PCDHGB5: variants seen among roughly 807,000 people sequenced by gnomAD.
PCDHGB5 encodes protocadherin gamma-B5.
A neutral mutation model predicts 62.9 loss-of-function variants in PCDHGB5; 48 were observed. That is an observed-to-expected ratio of 0.76 (90% CI 0.61 to 0.97). The LOEUF (loss-of-function observed/expected upper bound fraction) is 0.97. Ranked by LOEUF, PCDHGB5 falls within the 50% of genes least tolerant of loss-of-function variation. The pLI is 0.00. For synonymous variants in PCDHGB5, 474 were observed against 511.2 expected, an observed-to-expected ratio of 0.93 and a Z score of 0.98; for missense variants, 1,118 against 1,198.6, an observed-to-expected ratio of 0.93 and a Z score of 0.99.
chr5:141,509,709 T>C (rs1344120168), intron 3 of PCDHGB5, among the ~76,000 whole-genome samples: 1 of 152,200 alleles, frequency 6.6e-6, no homozygotes, highest in African/African-American at 2.4e-5. Context: ...CTGGAGGTGC[T>C]GTCTGATGTC....
chr5:141,414,306 T>A lies in PCDHGB5; in HGVS notation c.2397+13782T>A, dbSNP rs778408885. The A allele has an allele frequency of 6.2e-6, 10 of 1,613,584 alleles. No homozygotes were observed. The Admixed American group carries it at 1.2e-4, about 19-fold the overall frequency. Reference sequence around the variant, plus strand: ...TCGTAGCCCTTTTAAATGTGCATGATTTAGACTCTGAGCAGAATGGACAGG... The same window carrying A: ...TCGTAGCCCTTTTAAATGTGCATGAATTAGACTCTGAGCAGAATGGACAGG... On this transcript the variant is annotated intron_variant, in intron 1 of 3. Coordinates refer to ENST00000617380, the MANE Select transcript of PCDHGB5 (RefSeq NM_018925.3).
intron 1 of PCDHGB5, among the ~76,000 whole-genome samples, chr5:141,469,671 A>G (rs1285283342): frequency 1.3e-5 from 2 of 152,236 alleles, no homozygotes; most frequent in Non-Finnish European, 2.9e-5. Flanking sequence ...TTCTAATAAA[A>G]CTACATATGC....
chr5:141,415,101 C>T, intron 1 of PCDHGB5: 1 of 1,613,550 alleles, frequency 6.2e-7, no homozygotes, highest in South Asian at 1.1e-5. Context: ...GAGACGCGCT[C>T]AAGCAAAGCC....
At chr5:141,423,666 A>G in intron 1 of PCDHGB5, 1 of 1,494,380 alleles carries the variant, frequency 6.7e-7, no homozygotes, top group Non-Finnish European at 8.9e-7. Context: ...ATCAGGTGAG[A>G]TTTATTTCTC....
intron 1 of PCDHGB5, among the ~76,000 whole-genome samples, chr5:141,479,878 A>G (rs1033313584): frequency 2.0e-5 from 3 of 152,170 alleles, no homozygotes; most frequent in African/African-American, 7.2e-5. Context: ...AGAACCCTAT[A>G]CATACTCTCA....
At position 141,487,728 on chromosome 5, in the gene PCDHGB5, C is replaced by T. The variant is rs986276637; in HGVS notation, c.2398-7079C>T. 2 of 1,570,444 alleles carry T rather than the reference C, an allele frequency of 1.3e-6. No homozygotes were observed. Among genetic ancestry groups the T allele is most frequent in the East Asian group, 2.3e-5 (1 of 42,866 alleles). ...TCAGTAAGTGCCCATAGTGATGTCA[C>T]CATTTTTGTAAGAGGTAACTATGTG... On this transcript the variant is annotated intron_variant, in intron 1 of 3. Coordinates refer to ENST00000617380, the MANE Select transcript of PCDHGB5 (RefSeq NM_018925.3). The surrounding 1 kb of genome is among the most constrained non-coding windows in gnomAD (Gnocchi z 5.0).
At chr5:141,462,990 A>G (rs181384059) in intron 1 of PCDHGB5, among the ~76,000 whole-genome samples, 1 of 152,126 alleles carries the variant, frequency 6.6e-6, no homozygotes, top group Non-Finnish European at 1.5e-5. Flanking sequence ...GCCTTGGGCT[A>G]ATTTAGACCT....
At chr5:141,457,881 G>T (rs2098931594) in intron 1 of PCDHGB5, among the ~76,000 whole-genome samples, 2 of 152,230 alleles carry the variant, frequency 1.3e-5, no homozygotes, top group African/African-American at 4.8e-5. Context: ...TAGGAACCCT[G>T]TGTGGGGACT....
chr5:141,511,233 TACCTGC>T lies in PCDHGB5; in HGVS notation c.*64_*69del. 4 of 1,595,428 alleles carry T rather than the reference TACCTGC, an allele frequency of 2.5e-6. No individual in the cohort carries two copies. The highest frequency in any genetic ancestry group is 3.4e-6 in the Non-Finnish European group (4 of 1,170,894). ...CTCCCCAACCAGCCCAGCTTCTCCT[TACCTGC>T]ACCCAGGCCTCAGAGTTTCAGGGCT... On this transcript the variant is annotated 3_prime_UTR_variant, in exon 4 of 4. Transcript: ENST00000617380.
intron 3 of PCDHGB5, among the ~76,000 whole-genome samples, chr5:141,505,868 G>T (rs2099848820): frequency 6.6e-6 from 1 of 152,170 alleles, no homozygotes; most frequent in Admixed American, 6.5e-5. Context: ...GGACCCCAAA[G>T]GGTTGTTGTA....
intron 1 of PCDHGB5, chr5:141,419,935 G>T: frequency 6.2e-7 from 1 of 1,614,070 alleles, no homozygotes; most frequent in Non-Finnish European, 8.5e-7. Flanking sequence ...AGTTTTACCT[G>T]GTGGTGGCCT....
chr5:141,435,642 T>C lies in PCDHGB5; in HGVS notation c.2397+35118T>C, dbSNP rs1326178929. On this transcript the variant is annotated intron_variant, in intron 1 of 3. Coordinates refer to ENST00000617380, the MANE Select transcript of PCDHGB5 (RefSeq NM_018925.3). ...CATAACTTTTACAACTATGGGAAAA[T>C]TTCTGAAACGTGCACAGATTCCAAG... Among the ~76,000 whole-genome samples the C allele has an allele frequency of 2.0e-5, 3 of 152,156 alleles. No individual in the cohort carries two copies. The East Asian group carries it at 5.8e-4, about 29-fold the overall frequency.
chr5:141,489,732 C>CA lies in PCDHGB5; in HGVS notation c.2398-5073dup, dbSNP rs770971020. On this transcript the variant is annotated intron_variant, in intron 1 of 3. Transcript: ENST00000617380. This position sits in a 1 kb window ranked among gnomAD's most constrained non-coding sequence, Gnocchi z 4.5. ...GTGCCCAGGATCCGGATGTGGGCAC[C>CA]AATACTGTGAGCTTTTACACTCTAA... 4.3e-6 allele frequency: 7 copies of CA among 1,614,008 alleles called. No individual in the cohort carries two copies. Among genetic ancestry groups the CA allele is most frequent in the Non-Finnish European group, 5.9e-6 (7 of 1,180,002 alleles).
At position 141,432,458 on chromosome 5, in the gene PCDHGB5, C is replaced by T. The variant is rs1368524835; in HGVS notation, c.2397+31934C>T. 1.9e-6 allele frequency: 3 copies of T among 1,614,136 alleles called. No individual in the cohort carries two copies. The highest frequency in any genetic ancestry group is 8.5e-7 in the Non-Finnish European group (1 of 1,180,066). ...TGCGCCCGAGATCCTGTACCCCGCC[C>T]TCCCCACGGACGGTTCCACTGGCGT... On this transcript the variant is annotated intron_variant, in intron 1 of 3. Transcript: ENST00000617380. This position sits in a 1 kb window ranked among gnomAD's most constrained non-coding sequence, Gnocchi z 6.0.
At position 141,491,613 on chromosome 5, in the gene PCDHGB5, A is replaced by AC; in HGVS notation, c.2398-3190dup. On this transcript the variant is annotated intron_variant, in intron 1 of 3. Coordinates refer to ENST00000617380, the MANE Select transcript of PCDHGB5 (RefSeq NM_018925.3). The surrounding 1 kb of genome is among the most constrained non-coding windows in gnomAD (Gnocchi z 6.9). Reference sequence around the variant, plus strand: ...ACGGCAGTGACTTCACTTTTCTAAGACCCCTCAGCGTTCAGCAGCCCACAG... The same window carrying AC: ...ACGGCAGTGACTTCACTTTTCTAAGACCCCCTCAGCGTTCAGCAGCCCACAG... 6.2e-7 allele frequency: 1 copy of AC among 1,613,568 alleles called. No homozygotes were observed. Among genetic ancestry groups the AC allele is most frequent in the Non-Finnish European group, 8.5e-7 (1 of 1,179,968 alleles).
chr5:141,472,494 C>T (rs561045783), intron 1 of PCDHGB5, among the ~76,000 whole-genome samples: 9 of 151,168 alleles, frequency 6.0e-5, no homozygotes, highest in South Asian at 2.1e-4. Context: ...GAGACGAGAT[C>T]GTGCCACTGC....
At chr5:141,415,450 C>A (rs774745130) in intron 1 of PCDHGB5, 44 of 1,614,086 alleles carry the variant, frequency 2.7e-5, no homozygotes, top group Non-Finnish European at 3.4e-5. Context: ...GACCTATTCC[C>A]ACGAGGTCTC....
chr5:141,478,801 T>G (rs2099477985), intron 1 of PCDHGB5: 1 of 1,463,438 alleles, frequency 6.8e-7, no homozygotes, highest in African/African-American at 1.4e-5. Flanking sequence ...TCAGCACTCT[T>G]TTGCTATCAC....
chr5:141,423,927 T>A, intron 1 of PCDHGB5: 1 of 1,240,434 alleles, frequency 8.1e-7, no homozygotes, highest in Non-Finnish European at 1.0e-6. Context: ...TATGCTGGTT[T>A]GGTTTGAAGT....
Sources: allele counts gnomAD v4.1 joint callset (sites outside exome capture counted in the v4.1 genomes callset), GRCh38; gene constraint gnomAD v4.1.1; non-coding constraint Gnocchi (gnomAD v3.1); transcripts MANE v1.5; gene names NCBI Gene and HGNC (gene_info 2026-07-23, HGNC 2026-07-21).